The following LEMD3 variants were observed in gnomAD, a reference collection of about 807,000 sequenced individuals.
LEMD3 encodes LEM domain containing 3, also known as inner nuclear membrane protein Man1.
LEMD3 carries 33 observed loss-of-function variants against 95.2 expected under a neutral mutation model. That is an observed-to-expected ratio of 0.35 (90% confidence interval 0.26 to 0.46). The LOEUF is 0.46. LEMD3 is among the 20% of genes least tolerant of loss of function. The pLI, the probability that LEMD3 is intolerant of heterozygous loss-of-function variation, is 1.00. For synonymous variants in LEMD3, 525 were observed against 474.6 expected, an observed-to-expected ratio of 1.11 and a Z score of -1.38; for missense variants, 1,210 against 1,192.8, an observed-to-expected ratio of 1.01 and a Z score of -0.21.
chr12:65,182,560 T>A (rs529249854), intron 1 of LEMD3, among the ~76,000 whole-genome samples: 1 of 152,284 alleles, frequency 6.6e-6, no homozygotes, highest in Admixed American at 6.5e-5. Flanking sequence ...AAGGGAGTTA[T>A]CTTTTCACGT....
chr12:65,206,317 T>TCA (rs753847881), intron 1 of LEMD3, among the ~76,000 whole-genome samples: 2 of 151,550 alleles, frequency 1.3e-5, no homozygotes, highest in South Asian at 2.1e-4. Context: ...GTCCTTAAGG[T>TCA]CACACTAGCC....
Position 65,240,212 on chromosome 12 carries a change from C to T in LEMD3, c.2100C>T (p.Arg700=), listed in dbSNP as rs199712960. 2.3e-5 allele frequency: 37 copies of T among 1,612,758 alleles called. No homozygotes were observed. Among genetic ancestry groups the T allele is most frequent in the Non-Finnish European group, 3.1e-5 (36 of 1,178,990 alleles). ...LQPYMPIPHV[R]DSLIQPHDRK... is the part of the protein sequence containing the mutation. ...CTTACATGCCTATTCCACATGTACGCGATTCCTTAATACAGCCTCATGACA... is the reference window on the plus strand; with the variant it reads ...CTTACATGCCTATTCCACATGTACGTGATTCCTTAATACAGCCTCATGACA... Residue 700 remains arginine, a synonymous_variant, in exon 8 of 13, where the codon CGC becomes CGT. Transcript: ENST00000308330.
intron 4 of LEMD3, among the ~76,000 whole-genome samples, chr12:65,234,791 CTT>C (rs1294391010): frequency 2.0e-5 from 3 of 152,090 alleles, no homozygotes; most frequent in Non-Finnish European, 1.5e-5. Flanking sequence ...CTGTAGGTGT[CTT>C]TGTTAATTTG....
chr12:65,234,989 A>G (rs1176978385), intron 4 of LEMD3, among the ~76,000 whole-genome samples: 1 of 152,204 alleles, frequency 6.6e-6, no homozygotes, highest in South Asian at 2.1e-4. Flanking sequence ...TATTATATGT[A>G]GTAATGCAAA....
chr12:65,233,669 A>G (rs1198401336), intron 4 of LEMD3, among the ~76,000 whole-genome samples: 1 of 152,174 alleles, frequency 6.6e-6, no homozygotes, highest in Non-Finnish European at 1.5e-5. Flanking sequence ...TCAGTTTCAT[A>G]AACTATCCAT....
chr12:65,199,520 CA>C (rs1034427983), intron 1 of LEMD3, among the ~76,000 whole-genome samples: 1 of 151,720 alleles, frequency 6.6e-6, no homozygotes, highest in African/African-American at 2.4e-5. Flanking sequence ...ATGTTTCTGA[CA>C]ATTTTAGGAA....
chr12:65,202,113 G>A (rs1183836411), intron 1 of LEMD3, among the ~76,000 whole-genome samples: 1 of 151,100 alleles, frequency 6.6e-6, no homozygotes, highest in Non-Finnish European at 1.5e-5. Flanking sequence ...CCAGGTTCAA[G>A]CAATTCTCCT....
chr12:65,190,266 A>G (rs1035813651), intron 1 of LEMD3, among the ~76,000 whole-genome samples: 2 of 152,126 alleles, frequency 1.3e-5, no homozygotes, highest in Non-Finnish European at 2.9e-5. Flanking sequence ...CTCCTTGGCT[A>G]GGGCACCCTA....
At chr12:65,203,745 AT>A (rs1182841501) in intron 1 of LEMD3, among the ~76,000 whole-genome samples, 1 of 152,092 alleles carries the variant, frequency 6.6e-6, no homozygotes, top group Admixed American at 6.6e-5. Flanking sequence ...AAGTCTCTAT[AT>A]TAGTGGATTC....
At chr12:65,172,033 A>G (rs1373738082) in intron 1 of LEMD3, 1 of 152,240 alleles carries the variant, frequency 6.6e-6, no homozygotes, top group Admixed American at 6.5e-5. Context: ...GCAGAAGGAG[A>G]CAGCCTTGTG....
chr12:65,203,586 G>A (rs1375262231), intron 1 of LEMD3, among the ~76,000 whole-genome samples: 1 of 152,124 alleles, frequency 6.6e-6, no homozygotes, highest in Non-Finnish European at 1.5e-5. Flanking sequence ...AACATTCCAT[G>A]TAAGCTTGTG....
intron 4 of LEMD3, among the ~76,000 whole-genome samples, chr12:65,222,472 A>AC (rs1484470855): frequency 6.6e-6 from 1 of 152,122 alleles, no homozygotes; most frequent in African/African-American, 2.4e-5. Context: ...CATCCTTTTC[A>AC]ATTTTTCAGA....
At chr12:65,185,779 AC>A (rs1465104037) in intron 1 of LEMD3, among the ~76,000 whole-genome samples, 1 of 151,710 alleles carries the variant, frequency 6.6e-6, no homozygotes, top group Non-Finnish European at 1.5e-5. Context: ...CCAGCTGGTA[AC>A]CCCTTAATCT....
At chr12:65,193,776 T>TGTGTGTGTGTGTGTG (rs1869322997) in intron 1 of LEMD3, among the ~76,000 whole-genome samples, 1 of 46,760 alleles carries the variant, frequency 2.1e-5, no homozygotes, top group African/African-American at 8.8e-5. Flanking sequence ...GTGTGTGTGT[T>TGTGTGTGTGTGTGTG]GGGGGAGGGG....
intron 4 of LEMD3, among the ~76,000 whole-genome samples, chr12:65,237,629 C>A (rs1870809955): frequency 6.6e-6 from 1 of 152,152 alleles, no homozygotes; most frequent in African/African-American, 2.4e-5. Flanking sequence ...TTTTCAGATG[C>A]ATTGGTCACA....
intron 1 of LEMD3, among the ~76,000 whole-genome samples, chr12:65,204,106 A>G (rs1869688696): frequency 6.6e-6 from 1 of 151,686 alleles, no homozygotes. Flanking sequence ...TGGTGCATTT[A>G]AACTGTTGAT....
chr12:65,234,548 A>G (rs564279587), intron 4 of LEMD3, among the ~76,000 whole-genome samples: 1 of 152,274 alleles, frequency 6.6e-6, no homozygotes, highest in South Asian at 2.1e-4. Flanking sequence ...CACCCCATTA[A>G]GTCCTTAATG....
intron 1 of LEMD3, among the ~76,000 whole-genome samples, chr12:65,192,665 A>T (rs917037262): frequency 6.6e-6 from 1 of 152,096 alleles, no homozygotes; most frequent in Non-Finnish European, 1.5e-5. Flanking sequence ...GTGCTTCTTC[A>T]TGGTACAGTT....
chr12:65,223,085 C>T (rs144236829), intron 4 of LEMD3, among the ~76,000 whole-genome samples: 24 of 152,138 alleles, frequency 1.6e-4, no homozygotes, highest in East Asian at 5.8e-4. Context: ...GTTCCATGTG[C>T]ACTTCATAAG....
Sources: gnomAD v4.1 joint callset for allele counts (sites outside exome capture counted in the v4.1 genomes callset) on GRCh38, gnomAD v4.1.1 for gene constraint, MANE v1.5 for transcripts, NCBI Gene and HGNC (gene_info 2026-07-23, HGNC 2026-07-21) for gene names.